The following FAAH2 variants were observed in gnomAD, a reference collection of about 807,000 sequenced individuals.
FAAH2 encodes fatty-acid amide hydrolase 2.
In FAAH2, 60 loss-of-function variants were observed where a neutral mutation model predicts 36.9. The ratio of observed to expected loss-of-function variants is 1.63; its 90% CI spans 1.32 to 2.02. FAAH2 has a LOEUF of 2.02. Ranked by LOEUF, FAAH2 falls within the 30% of genes most tolerant of loss-of-function variation. The pLI is 0.00. For missense variants in FAAH2, 689 were observed against 397.5 expected, an observed-to-expected ratio of 1.73 and a Z score of -6.23; for synonymous variants, 214 against 143.8, an observed-to-expected ratio of 1.49 and a Z score of -3.49.
At chrX:57,178,139 TG>T in the FAAH2 span, among the ~76,000 whole-genome samples, 2 of 111,127 alleles carry the variant, frequency 1.8e-5, no homozygotes, top group Admixed American at 1.9e-4. Flanking sequence ...CCGGCCCTGA[TG>T]GGGGTGGGAA....
chrX:57,483,399 C>CT (rs1259546412), intron 10 of FAAH2, among the ~76,000 whole-genome samples: 1 of 110,817 alleles, frequency 9.0e-6, no homozygotes, highest in African/African-American at 3.3e-5. Flanking sequence ...TTTATCTCTT[C>CT]CTTCATATCC....
the FAAH2 span, among the ~76,000 whole-genome samples, chrX:57,265,706 G>A: frequency 7.1e-5 from 8 of 112,220 alleles, no homozygotes; most frequent in African/African-American, 9.7e-5. Flanking sequence ...ATGGGAAAGA[G>A]CTCCCAGAGG....
intron 10 of FAAH2, among the ~76,000 whole-genome samples, chrX:57,454,198 A>G (rs2056832013): frequency 8.9e-6 from 1 of 112,044 alleles, no homozygotes; most frequent in Non-Finnish European, 1.9e-5. Flanking sequence ...CAAAATGCAA[A>G]CCTAAAATAT....
intron 10 of FAAH2, among the ~76,000 whole-genome samples, chrX:57,476,510 C>A (rs1417710646): frequency 9.0e-6 from 1 of 111,381 alleles, no homozygotes; most frequent in Non-Finnish European, 1.9e-5. Context: ...ATATATTGAA[C>A]CAGCCTTGCA....
intron 5 of FAAH2, among the ~76,000 whole-genome samples, chrX:57,353,207 C>T (rs771198013): frequency 7.3e-5 from 8 of 109,285 alleles, no homozygotes; most frequent in Admixed American, 3.9e-4. Context: ...TATTATGAGG[C>T]GACAGTAAGC....
intron 5 of FAAH2, among the ~76,000 whole-genome samples, chrX:57,353,020 C>G (rs1331666769): frequency 9.0e-6 from 1 of 110,572 alleles, no homozygotes; most frequent in African/African-American, 3.3e-5. Flanking sequence ...ATTAAAATGA[C>G]CATATTACAC....
chrX:57,291,760 T>C (rs1251383180), intron 1 of FAAH2, among the ~76,000 whole-genome samples: 1 of 111,231 alleles, frequency 9.0e-6, no homozygotes, highest in Non-Finnish European at 1.9e-5. Context: ...AGAATTAACA[T>C]TAAAACTACA....
chrX:57,244,053 T>C, the FAAH2 span, among the ~76,000 whole-genome samples: 1 of 106,655 alleles, frequency 9.4e-6, no homozygotes, highest in East Asian at 3.1e-4. Context: ...AGAACATAAA[T>C]GACCTGATGG....
chrX:57,332,285 G>A (rs781556854), intron 4 of FAAH2, among the ~76,000 whole-genome samples: 3 of 111,920 alleles, frequency 2.7e-5, no homozygotes, highest in African/African-American at 6.5e-5. Flanking sequence ...TTGTAAGATG[G>A]CCATATGAAA....
the FAAH2 span, among the ~76,000 whole-genome samples, chrX:57,189,850 C>T: frequency 8.9e-6 from 1 of 112,202 alleles, no homozygotes; most frequent in Non-Finnish European, 1.9e-5. Flanking sequence ...TTCTCTCAGT[C>T]AGGAGGCATT....
intron 1 of FAAH2, among the ~76,000 whole-genome samples, chrX:57,289,333 G>T (rs528482455): frequency 4.5e-5 from 5 of 110,406 alleles, no homozygotes; most frequent in Non-Finnish European, 9.4e-5. Flanking sequence ...GTGTCCCTAT[G>T]ATTACTCTTC....
At chrX:57,304,379 T>C (rs757091270) in intron 2 of FAAH2, among the ~76,000 whole-genome samples, 5 of 112,125 alleles carry the variant, frequency 4.5e-5, no homozygotes, top group Non-Finnish European at 7.5e-5. Context: ...AGCTCTAGAA[T>C]TGATTGACTC....
chrX:57,410,607 T>G (rs2055673582), intron 7 of FAAH2, among the ~76,000 whole-genome samples: 1 of 111,802 alleles, frequency 8.9e-6, no homozygotes, highest in South Asian at 3.7e-4. Flanking sequence ...GTTTTATCAT[T>G]ATATAATAAC....
At chrX:57,295,511 C>A (rs1037849256) in intron 2 of FAAH2, among the ~76,000 whole-genome samples, 1 of 112,042 alleles carries the variant, frequency 8.9e-6, no homozygotes. Flanking sequence ...CAACTCCAGT[C>A]TACAGTTCCC....
At chrX:57,426,892 A>G (rs960063154) in intron 7 of FAAH2, among the ~76,000 whole-genome samples, 1 of 111,397 alleles carries the variant, frequency 9.0e-6, no homozygotes, top group Non-Finnish European at 1.9e-5. Context: ...AAAATAACAA[A>G]CATCAGAGCA....
chrX:57,268,704 TTAA>T, the FAAH2 span, among the ~76,000 whole-genome samples: 1 of 111,657 alleles, frequency 9.0e-6, no homozygotes, highest in Non-Finnish European at 1.9e-5. Flanking sequence ...TTCAATATTT[TTAA>T]GGAAAAGAAA....
chrX:57,425,430 T>A (rs2056137222), intron 7 of FAAH2, among the ~76,000 whole-genome samples: 1 of 111,263 alleles, frequency 9.0e-6, no homozygotes, highest in South Asian at 3.8e-4. Flanking sequence ...CAGACTACAA[T>A]TGAAGTGAAG....
At chrX:57,293,361 A>G (rs1465759424) in intron 2 of FAAH2, among the ~76,000 whole-genome samples, 1 of 112,484 alleles carries the variant, frequency 8.9e-6, no homozygotes, top group African/African-American at 3.2e-5. Context: ...ATGAAATTAT[A>G]GACATTTAAA....
chrX:57,214,764 C>T, the FAAH2 span, among the ~76,000 whole-genome samples: 86 of 111,255 alleles, frequency 7.7e-4, no homozygotes, highest in African/African-American at 2.7e-3. Context: ...CAGAAAGTTT[C>T]GAAACACAGA....
Sources: gnomAD v4.1 joint callset for allele counts (sites outside exome capture counted in the v4.1 genomes callset) on GRCh38, gnomAD v4.1.1 for gene constraint, MANE v1.5 for transcripts, NCBI Gene and HGNC (gene_info 2026-07-23, HGNC 2026-07-21) for gene names.